The following FGF12 variants were observed in gnomAD, a reference collection of about 807,000 sequenced individuals.
FGF12 encodes the protein fibroblast growth factor 12, also known as fibroblast growth factor 12B.
A neutral mutation model predicts 23.6 loss-of-function variants in FGF12; 14 were observed. That is an observed-to-expected ratio of 0.59 (90% confidence interval 0.39 to 0.93). The LOEUF is 0.93. FGF12 is among the 40% of genes least tolerant of loss of function. The probability of loss-of-function intolerance (pLI) is 0.00; values close to 1 mark genes in which losing one functional copy is unlikely to be tolerated. For synonymous variants in FGF12, 62 were observed against 77.3 expected, an observed-to-expected ratio of 0.80 and a Z score of 1.04; for missense variants, 175 against 217.8, an observed-to-expected ratio of 0.80 and a Z score of 1.24.
At chr3:192,722,573 C>A (rs1719072800) in intron 2 of FGF12, among the ~76,000 whole-genome samples, 1 of 152,164 alleles carries the variant, frequency 6.6e-6, no homozygotes, top group Non-Finnish European at 1.5e-5. Flanking sequence ...TACTCCCTTC[C>A]ATGTTCTGGA....
chr3:192,682,998 T>C (rs1209112115), intron 2 of FGF12, among the ~76,000 whole-genome samples: 2 of 152,226 alleles, frequency 1.3e-5, no homozygotes, highest in African/African-American at 4.8e-5. Flanking sequence ...GCTCAATATT[T>C]GAAACTCTTA....
chr3:192,537,330 G>A (rs1462740180), intron 2 of FGF12, among the ~76,000 whole-genome samples: 1 of 152,126 alleles, frequency 6.6e-6, no homozygotes, highest in Non-Finnish European at 1.5e-5. Context: ...TAATGGGATT[G>A]TGGGATCATA....
intron 4 of FGF12, among the ~76,000 whole-genome samples, chr3:192,239,304 C>T (rs1719472938): frequency 6.6e-6 from 1 of 152,092 alleles, no homozygotes; most frequent in African/African-American, 2.4e-5. Flanking sequence ...TTGATGTTTC[C>T]AGAACTACTG....
chr3:192,222,444 A>G (rs1718525744), intron 4 of FGF12, among the ~76,000 whole-genome samples: 1 of 152,114 alleles, frequency 6.6e-6, no homozygotes, highest in Non-Finnish European at 1.5e-5. Flanking sequence ...TTCCAGATTA[A>G]TTTTTTCATT....
At chr3:192,648,024 CAAAGGGTCAAAATGAGGCTTGGA>C (rs1393816115) in intron 2 of FGF12, among the ~76,000 whole-genome samples, 1 of 151,664 alleles carries the variant, frequency 6.6e-6, no homozygotes, top group African/African-American at 2.4e-5. Context: ...CCCCATTTCA[CAAAGGGTCAAAATGAGGCTTGGA>C]AAAGTAAGGC....
At chr3:192,678,135 A>G (rs1717393611) in intron 2 of FGF12, among the ~76,000 whole-genome samples, 1 of 152,206 alleles carries the variant, frequency 6.6e-6, no homozygotes, top group African/African-American at 2.4e-5. Context: ...AGCCTTGACT[A>G]TGTGACAGGC....
intron 2 of FGF12, among the ~76,000 whole-genome samples, chr3:192,419,000 C>T (rs1290283832): frequency 6.6e-6 from 1 of 152,190 alleles, no homozygotes; most frequent in Non-Finnish European, 1.5e-5. Flanking sequence ...TTACCTAATC[C>T]TCACAATAAC....
At chr3:192,623,779 T>A (rs1456724389) in intron 2 of FGF12, among the ~76,000 whole-genome samples, 2 of 152,170 alleles carry the variant, frequency 1.3e-5, no homozygotes, top group Non-Finnish European at 2.9e-5. Flanking sequence ...TTCACCAACT[T>A]CACCTCTCTC....
chr3:192,249,930 A>C (rs1711889593), intron 4 of FGF12, among the ~76,000 whole-genome samples: 1 of 152,222 alleles, frequency 6.6e-6, no homozygotes, highest in Admixed American at 6.5e-5. Flanking sequence ...CCAGGACTAC[A>C]CTACAACAAA....
rs548755226 is a variant in FGF12, at chr3:192,587,535, G to T, written c.13+139646C>A. Among the ~76,000 whole-genome samples, 125 of 152,044 alleles carry T rather than the reference G, an allele frequency of 8.2e-4. 1 individual carries two copies. The highest frequency in any genetic ancestry group is 2.9e-3 in the African/African-American group (119 of 41,544). ...AAATCAACTCAAGATACTCTCCCAG[G>T]TTGGGCATGGTGGTTCATGTTTGTA... On this transcript the variant is annotated intron_variant, in intron 2 of 5. Transcript: ENST00000445105.
At chr3:192,321,540 T>C (rs1716540264) in intron 4 of FGF12, among the ~76,000 whole-genome samples, 1 of 148,122 alleles carries the variant, frequency 6.8e-6, no homozygotes, top group African/African-American at 2.5e-5. Flanking sequence ...GGCTAGTGTC[T>C]CTGTTGAATA....
intron 2 of FGF12, among the ~76,000 whole-genome samples, chr3:192,646,079 A>G (rs184334725): frequency 2.6e-5 from 4 of 152,268 alleles, no homozygotes; most frequent in Admixed American, 2.6e-4. Context: ...CAAAACGAGA[A>G]ACAGTTTTGT....
intron 2 of FGF12, among the ~76,000 whole-genome samples, chr3:192,500,367 G>C (rs1309384661): frequency 6.6e-6 from 1 of 152,168 alleles, no homozygotes; most frequent in Non-Finnish European, 1.5e-5. Flanking sequence ...TGAAGGTCTA[G>C]AAAATAGAAT....
intron 4 of FGF12, among the ~76,000 whole-genome samples, chr3:192,254,221 G>A (rs192639251): frequency 4.2e-4 from 63 of 151,548 alleles, no homozygotes; most frequent in African/African-American, 1.3e-3. Flanking sequence ...TACTCTCTGC[G>A]TCTATGAATT....
intron 2 of FGF12, among the ~76,000 whole-genome samples, chr3:192,557,002 A>C (rs999696107): frequency 6.6e-6 from 1 of 152,064 alleles, no homozygotes; most frequent in Non-Finnish European, 1.5e-5. Flanking sequence ...AAATATTGCT[A>C]GACAAATAAA....
intron 4 of FGF12, among the ~76,000 whole-genome samples, chr3:192,300,981 A>G (rs1715319419): frequency 6.6e-6 from 1 of 152,170 alleles, no homozygotes; most frequent in African/African-American, 2.4e-5. Flanking sequence ...AGCCTGGAGG[A>G]CAGAGTAAGA....
chr3:192,433,457 G>C (rs1453593845), intron 2 of FGF12, among the ~76,000 whole-genome samples: 1 of 152,138 alleles, frequency 6.6e-6, no homozygotes, highest in African/African-American at 2.4e-5. Context: ...AAAGAATTTA[G>C]ACCAAATTGC....
intron 2 of FGF12, among the ~76,000 whole-genome samples, chr3:192,540,658 T>G (rs182279705): frequency 2.5e-4 from 38 of 152,278 alleles, no homozygotes; most frequent in Non-Finnish European, 4.4e-5. Context: ...GTTCATTTGG[T>G]GTATTGTGCA....
intron 2 of FGF12, among the ~76,000 whole-genome samples, chr3:192,629,754 C>T (rs1395489259): frequency 2.6e-5 from 4 of 152,216 alleles, no homozygotes; most frequent in East Asian, 3.9e-4. Context: ...AGAGACTTCA[C>T]GGTCTCTAAG....
Sources: allele counts gnomAD v4.1 joint callset (sites outside exome capture counted in the v4.1 genomes callset), GRCh38; gene constraint gnomAD v4.1.1; transcripts MANE v1.5; gene names NCBI Gene and HGNC (gene_info 2026-07-23, HGNC 2026-07-21).